SERPINB12: variants seen among roughly 807,000 people sequenced by gnomAD.
SERPINB12 encodes serpin B12.
SERPINB12 carries 57 observed loss-of-function variants against 41.1 expected under a neutral mutation model. The ratio of observed to expected loss-of-function variants is 1.39; its 90% CI spans 1.12 to 1.73. SERPINB12 has a LOEUF of 1.73. Among genes scored for constraint, SERPINB12 ranks in the 40% most tolerant of loss-of-function variants. The probability of loss-of-function intolerance (pLI) is 0.00; values close to 1 mark genes in which losing one functional copy is unlikely to be tolerated. For missense variants in SERPINB12, 536 were observed against 501.9 expected (o/e 1.07, Z -0.65); for synonymous variants, 180 against 181.3 (o/e 0.99, Z 0.06).
In SERPINB12 at chr18:63,559,652, C is replaced by G; in HGVS notation, c.378C>G (p.Ile126Met). Residue 126 changes from isoleucine (I) to methionine (M), a missense_variant, in exon 4 of 8, where the codon ATC (isoleucine) becomes ATG (methionine). By Grantham distance (10) the Ile-to-Met change is conservative. Coordinates refer to ENST00000382768, the MANE Select transcript of SERPINB12 (RefSeq NM_001307928.2). ...AGCTTCTCTCCAAATTAGACAGGATCAAGACTGATTACACACTGAGTATTG... is the reference window on the plus strand; with the variant it reads ...AGCTTCTCTCCAAATTAGACAGGATGAAGACTGATTACACACTGAGTATTG... ...FGQLLSKLDR[I>M]KTDYTLSIAN... The G allele has an allele frequency of 6.2e-7, 1 of 1,614,100 alleles. No individual in the cohort carries two copies. The highest frequency in any genetic ancestry group is 1.1e-5 in the South Asian group (1 of 91,066).
chr18:63,566,546 A>G (rs1911103379), intron 7 of SERPINB12, 61 bp from the exon 8 acceptor site: 1 of 1,473,098 alleles, frequency 6.8e-7, no homozygotes, highest in Non-Finnish European at 9.1e-7. Flanking sequence ...CCTTGAAGTA[A>G]TTGGGGCATT....
chr18:63,567,241 A>G lies in SERPINB12; in HGVS notation c.*230A>G, dbSNP rs1911142921. Among the ~76,000 whole-genome samples the G allele has an allele frequency of 6.6e-6, 1 of 152,088 alleles. No homozygotes were observed. The highest frequency in any genetic ancestry group is 6.6e-5 in the Admixed American group (1 of 15,266). ...CTACCCTAAACTTTCAAGCATATAA[A>G]TTCACCCTCTGTGACCTGAAGGTCA... On this transcript the variant is annotated 3_prime_UTR_variant, in exon 8 of 8. Transcript: ENST00000382768.
At chr18:63,556,785 A>G (rs993232981) in intron 2 of SERPINB12, among the ~76,000 whole-genome samples, 2 of 152,178 alleles carry the variant, frequency 1.3e-5, no homozygotes, top group African/African-American at 4.8e-5. Flanking sequence ...CTCACTTTAT[A>G]CCACATTTGT....
the SERPINB12 span, among the ~76,000 whole-genome samples, chr18:63,530,168 G>A: frequency 6.6e-6 from 1 of 152,100 alleles, no homozygotes; most frequent in Non-Finnish European, 1.5e-5. Flanking sequence ...TCAGTGGTAG[G>A]GCATCCCTGT....
chr18:63,546,032 T>C (rs1472537276), intron 1 of SERPINB12, among the ~76,000 whole-genome samples: 1 of 152,214 alleles, frequency 6.6e-6, no homozygotes, highest in Admixed American at 6.5e-5. Flanking sequence ...ACTTGTTTTA[T>C]TTATACACTA....
At chr18:63,526,887 C>T in the SERPINB12 span, among the ~76,000 whole-genome samples, 1 of 152,186 alleles carries the variant, frequency 6.6e-6, no homozygotes, top group Admixed American at 6.6e-5. Flanking sequence ...AGCCACTACA[C>T]ACCTAGGCCA....
At chr18:63,528,600 T>A in the SERPINB12 span, among the ~76,000 whole-genome samples, 494 of 152,222 alleles carry the variant, frequency 3.2e-3, 5 homozygotes, top group African/African-American at 0.011. Flanking sequence ...AATAGCCGGA[T>A]AATTTACAGA....
At position 63,566,873 on chromosome 18, in the gene SERPINB12, T is replaced by G. The variant is rs1203882395; in HGVS notation, c.1140T>G (p.Ala380=). The change falls in exon 8 of 8, where the codon GCT becomes GCG. Residue 380 remains alanine, a synonymous_variant. Coordinates refer to ENST00000382768, the MANE Select transcript of SERPINB12 (RefSeq NM_001307928.2). ...VEVDENGTQA[A]AATGAVVSER... ...TGGATGAAAACGGTACCCAGGCAGCTGCAGCCACTGGGGCTGTTGTCTCGG... is the reference window on the plus strand; with the variant it reads ...TGGATGAAAACGGTACCCAGGCAGCGGCAGCCACTGGGGCTGTTGTCTCGG... 6.2e-7 allele frequency: 1 copy of G among 1,614,106 alleles called. No homozygotes were observed.
chr18:63,545,672 A>G (rs1910371296), intron 1 of SERPINB12, among the ~76,000 whole-genome samples: 1 of 152,146 alleles, frequency 6.6e-6, no homozygotes, highest in African/African-American at 2.4e-5. Flanking sequence ...CCCAACAGTA[A>G]CAGATGTGAC....
At chr18:63,535,363 C>T in the SERPINB12 span, among the ~76,000 whole-genome samples, 726 of 152,188 alleles carry the variant, frequency 4.8e-3, 4 homozygotes, top group African/African-American at 0.016. Flanking sequence ...GAAAAAGGAA[C>T]ATGATATGCC....
At chr18:63,559,528 C>T (rs1033367855) in intron 3 of SERPINB12, 50 bp from the exon 4 acceptor site, 2 of 1,594,344 alleles carry the variant, frequency 1.3e-6, no homozygotes, top group South Asian at 2.2e-5. Flanking sequence ...CGGTGTTTAG[C>T]TCTTCTGATA....
At chr18:63,533,170 G>A in the SERPINB12 span, among the ~76,000 whole-genome samples, 1 of 152,110 alleles carries the variant, frequency 6.6e-6, no homozygotes, top group Non-Finnish European at 1.5e-5. Context: ...TAGAGACGGG[G>A]TTTCACCATG....
rs1432982964 is a variant in SERPINB12 at position 63,568,747 on chromosome 18, G to A, written c.*1736G>A. 6.6e-6 allele frequency among the ~76,000 whole-genome samples: 1 copy of A among 152,072 alleles called. No homozygotes were observed. Among genetic ancestry groups the A allele is most frequent in the Non-Finnish European group, 1.5e-5 (1 of 67,992 alleles). On this transcript the variant is annotated 3_prime_UTR_variant, in exon 8 of 8. Coordinates refer to ENST00000382768, the MANE Select transcript of SERPINB12 (RefSeq NM_001307928.2). ...CCACGCAGTTTTTTTGCAGAAGGCA[G>A]GTGAACCACACCTGCTCCCATGCTA...
the SERPINB12 span, among the ~76,000 whole-genome samples, chr18:63,534,745 T>A: frequency 6.6e-6 from 1 of 152,210 alleles, no homozygotes; most frequent in African/African-American, 2.4e-5. Flanking sequence ...GAGTTGCTTT[T>A]CCAGTAGTGG....
the SERPINB12 span, among the ~76,000 whole-genome samples, chr18:63,520,547 G>T: frequency 6.6e-6 from 1 of 152,126 alleles, no homozygotes; most frequent in Non-Finnish European, 1.5e-5. Flanking sequence ...CTTGCAAGGG[G>T]GAGACAGACT....
chr18:63,556,124 C>CTTTTTTTTTTTTTTTTTTTTTTTTTTTTT lies in SERPINB12; in HGVS notation c.-18-9_-18-8insTTTTTTTTTTTTTTTTTTTTTTTTTTTTT. On this transcript the variant is annotated splice_polypyrimidine_tract_variant and intron_variant, in intron 1 of 7. Coordinates refer to ENST00000382768, the MANE Select transcript of SERPINB12 (RefSeq NM_001307928.2). ...TTCCAATCACCATTTTCTCTTTCTCCTTTTTTTTTGGTTTTAGATCGTTAT... is the reference window on the plus strand; with the variant it reads ...TTCCAATCACCATTTTCTCTTTCTCCTTTTTTTTTTTTTTTTTTTTTTTTTTTTTTTTTTTTTTGGTTTTAGATCGTTAT... 1 of 1,507,282 alleles carries CTTTTTTTTTTTTTTTTTTTTTTTTTTTTT rather than the reference C, an allele frequency of 6.6e-7. No homozygotes were observed. Among genetic ancestry groups the CTTTTTTTTTTTTTTTTTTTTTTTTTTTTT allele is most frequent in the Non-Finnish European group, 9.0e-7 (1 of 1,105,194 alleles). 93.4% of individuals were successfully genotyped at this position (1,507,282 alleles called of 1,614,324 possible).
rs894589544 is a variant in SERPINB12, at chr18:63,556,188, A to G, written c.29A>G (p.Lys10Arg). ...GACTCTCTTGTTACAGCAAACACCA[A>G]ATTTTGCTTTGATCTTTTTCAAGAG... is the stretch of plus-strand genomic sequence containing the variant. Reference protein sequence around the residue: MDSLVTANTKFCFDLFQEIG... With the variant: MDSLVTANTRFCFDLFQEIG... The change falls in exon 2 of 8, where the codon AAA (lysine) becomes AGA (arginine). Residue 10 changes from lysine (K) to arginine (R), a missense_variant. Physicochemically the swap from Lys to Arg is conservative, Grantham distance 26. Transcript: ENST00000382768. 15 of 1,613,784 alleles carry G rather than the reference A, an allele frequency of 9.3e-6. No homozygotes were observed. Among genetic ancestry groups the G allele is most frequent in the Non-Finnish European group, 1.1e-5 (13 of 1,179,916 alleles).
At chr18:63,531,065 A>G in the SERPINB12 span, among the ~76,000 whole-genome samples, 6 of 152,222 alleles carry the variant, frequency 3.9e-5, no homozygotes, top group Non-Finnish European at 1.5e-5. Flanking sequence ...TAAATCTTTC[A>G]TTACAACATT....
At chr18:63,522,461 A>G in the SERPINB12 span, among the ~76,000 whole-genome samples, 1,700 of 152,330 alleles carry the variant, frequency 0.011, 26 homozygotes, top group African/African-American at 0.039. Context: ...CTGTAGATAA[A>G]GAGAAAAATG....
Sources: allele counts gnomAD v4.1 joint callset (sites outside exome capture counted in the v4.1 genomes callset), GRCh38; gene constraint gnomAD v4.1.1; transcripts MANE v1.5; gene names NCBI Gene and HGNC (gene_info 2026-07-23, HGNC 2026-07-21).